NLRP9: variants seen among roughly 807,000 people sequenced by gnomAD.
NLRP9 encodes NLR family pyrin domain containing 9.
Under a neutral mutation model 83.1 loss-of-function variants are expected in NLRP9, and 88 were observed. The observed-to-expected ratio is 1.06, with a 90% CI of 0.89 to 1.26. The LOEUF is 1.26. Among genes scored for constraint, NLRP9 ranks in the 50% most tolerant of loss-of-function variants. The probability of loss-of-function intolerance (pLI) is 0.00; values close to 1 mark genes in which losing one functional copy is unlikely to be tolerated. For missense variants in NLRP9, 1,308 were observed against 1,179.3 expected (o/e 1.11, Z -1.60); for synonymous variants, 521 against 447.6 (o/e 1.16, Z -2.07).
Position 55,732,369 on chromosome 19 carries a change from A to C in NLRP9, c.1462T>G (p.Leu488Val), listed in dbSNP as rs1337873843. The change falls in exon 2 of 9, where the codon TTG becomes GTG. Residue 488 changes from leucine to valine, a missense_variant. Coordinates refer to ENST00000332836, the MANE Select transcript of NLRP9 (RefSeq NM_176820.4). Reference protein sequence around the residue: ...RASVVQPQTLLTQVGIFMFGI... With the variant: ...RASVVQPQTLVTQVGIFMFGI... ...AACATGAATATCCCCACCTGGGTCA[A>C]GAGGGTTTGAGGCTGAACCACACTT... is the stretch of plus-strand genomic sequence containing the variant. The C allele has an allele frequency of 6.2e-7, 1 of 1,614,220 alleles. No homozygotes were observed. Among genetic ancestry groups the C allele is most frequent in the Non-Finnish European group, 8.5e-7 (1 of 1,180,028 alleles).
At position 55,732,320 on chromosome 19, in the gene NLRP9, A is replaced by T; in HGVS notation, c.1511T>A (p.Val504Asp). 1.2e-6 allele frequency: 2 copies of T among 1,614,214 alleles called. No individual in the cohort carries two copies. Among genetic ancestry groups the T allele is most frequent in the Non-Finnish European group, 1.7e-6 (2 of 1,180,040 alleles). The change falls in exon 2 of 9, where the codon GTC becomes GAC. Residue 504 changes from valine (V) to aspartate (D), a missense_variant. Val to Asp is a radical substitution (Grantham distance 152, BLOSUM62 -3). Coordinates refer to ENST00000332836, the MANE Select transcript of NLRP9 (RefSeq NM_176820.4). The stretch of plus-strand genomic sequence containing the variant: ...ACCAAAGGAGGTCTCCAGCATGCTG[A>T]CGATTTCTTCTGTTGAAATTCCAAA... ...FMFGISTEEIVSMLETSFGFP... is the reference protein window; with the variant it reads ...FMFGISTEEIDSMLETSFGFP...
chr19:55,723,961 A>G lies in NLRP9; in HGVS notation c.2159+19T>C, dbSNP rs1341171828. 2 of 1,596,096 alleles carry G rather than the reference A, an allele frequency of 1.3e-6. No individual in the cohort carries two copies. The highest frequency in any genetic ancestry group is 1.8e-5 in the Admixed American group (1 of 56,104). On this transcript the variant is annotated intron_variant, in intron 4 of 8. Coordinates refer to ENST00000332836, the MANE Select transcript of NLRP9 (RefSeq NM_176820.4). ...ACCTTGGAAAGAAACAGCACTCGGC[A>G]TGAACAGCCCGGACTTACATCAGCT...
At chr19:55,719,708 G>A (rs1269600044) in intron 4 of NLRP9, among the ~76,000 whole-genome samples, 1 of 152,212 alleles carries the variant, frequency 6.6e-6, no homozygotes, top group Non-Finnish European at 1.5e-5. Context: ...GGAAATGGGA[G>A]AGAAGATGTA....
chr19:55,714,297 T>A (rs1038048817), intron 6 of NLRP9, among the ~76,000 whole-genome samples: 1 of 151,786 alleles, frequency 6.6e-6, no homozygotes, highest in Admixed American at 6.6e-5. Context: ...CTAGCTATCC[T>A]CTCATTACCT....
At chr19:55,725,561 C>A (rs533337568) in intron 3 of NLRP9, among the ~76,000 whole-genome samples, 1 of 152,258 alleles carries the variant, frequency 6.6e-6, no homozygotes, top group South Asian at 2.1e-4. Flanking sequence ...AGGAACTGTG[C>A]GGACTGCGGG....
chr19:55,729,232 CATT>C (rs1250587926), intron 3 of NLRP9, among the ~76,000 whole-genome samples: 1 of 133,486 alleles, frequency 7.5e-6, no homozygotes, highest in African/African-American at 3.7e-5. Flanking sequence ...CATGTCACTA[CATT>C]TTTTTTTTTT....
At chr19:55,731,967 G>C in intron 2 of NLRP9, 32 bp downstream of exon 2, 2 of 1,371,046 alleles carry the variant, frequency 1.5e-6, no homozygotes, top group East Asian at 2.3e-5. Flanking sequence ...CAAGTGTAGT[G>C]TGTGGGACGG....
At position 55,732,991 on chromosome 19, in the gene NLRP9, C is replaced by T. The variant is rs779434242; in HGVS notation, c.840G>A (p.Met280Ile). Residue 280 changes from methionine to isoleucine, a missense_variant, in exon 2 of 9, where the codon ATG becomes ATA. Met to Ile is a conservative substitution (Grantham distance 10, BLOSUM62 1). Coordinates refer to ENST00000332836, the MANE Select transcript of NLRP9 (RefSeq NM_176820.4). ...SLLIALGKLA[M>I]QKHYFMLRHP... The stretch of plus-strand genomic sequence containing the variant: ...GCCGCAACATAAAATAGTGTTTTTG[C>T]ATAGCCAGTTTTCCTAATGCAATAA... 2.5e-6 allele frequency: 4 copies of T among 1,614,182 alleles called. No individual in the cohort carries two copies. Among genetic ancestry groups the T allele is most frequent in the East Asian group, 4.5e-5 (2 of 44,880 alleles).
Position 55,729,925 on chromosome 19 carries a change from T to G in NLRP9, c.1900A>C (p.Ile634Leu). The G allele has an allele frequency of 6.2e-7, 1 of 1,613,716 alleles. No homozygotes were observed. The highest frequency in any genetic ancestry group is 8.5e-7 in the Non-Finnish European group (1 of 1,179,628). The change falls in exon 3 of 9, where the codon ATT (isoleucine) becomes CTT (leucine). Residue 634 changes from isoleucine (I) to leucine (L), a missense_variant. Ile to Leu is a conservative substitution (Grantham distance 5). Transcript: ENST00000332836. ...SMFITNKNFQ[I>L]LDMENTSLDD... ...AGGCTGGTATTTTCCATGTCTAAAATCTGGAAGTTCTTGTTGGTAATGAAC... is the reference window on the plus strand; with the variant it reads ...AGGCTGGTATTTTCCATGTCTAAAAGCTGGAAGTTCTTGTTGGTAATGAAC...
intron 4 of NLRP9, among the ~76,000 whole-genome samples, chr19:55,718,966 G>C (rs553781972): frequency 6.6e-6 from 1 of 152,282 alleles, no homozygotes; most frequent in East Asian, 1.9e-4. Context: ...ATTAAATTGA[G>C]AGTCAGATCC....
intron 4 of NLRP9, among the ~76,000 whole-genome samples, chr19:55,718,279 G>C (rs1192932584): frequency 6.6e-6 from 1 of 152,164 alleles, no homozygotes; most frequent in African/African-American, 2.4e-5. Context: ...CATGGGAAAG[G>C]AAAGACTTTA....
intron 2 of NLRP9, among the ~76,000 whole-genome samples, chr19:55,731,754 G>C (rs1314734133): frequency 6.8e-6 from 1 of 147,888 alleles, no homozygotes; most frequent in African/African-American, 2.5e-5. Context: ...CCTGCTAGCC[G>C]CCTCTTAATC....
chr19:55,736,851 AC>A (rs947185072), intron 1 of NLRP9, among the ~76,000 whole-genome samples: 21 of 113,618 alleles, frequency 1.8e-4, no homozygotes, highest in African/African-American at 8.8e-4. Flanking sequence ...TAAAACAAAA[AC>A]AAAAAAAAAA....
Position 55,709,053 on chromosome 19 carries a change from A to G in NLRP9, c.2844-9T>C. The G allele has an allele frequency of 6.4e-7, 1 of 1,554,862 alleles. No individual in the cohort carries two copies. ...AGCCAGATTTGTGCAGCCTGGGAAA[A>G]TAGAAATAAAGTTTTTTTTTTTGTT... On this transcript the variant is annotated splice_polypyrimidine_tract_variant and intron_variant, in intron 8 of 8. Transcript: ENST00000332836.
In NLRP9 at chr19:55,708,569, T is replaced by A. The variant is rs1987541704; in HGVS notation, c.*343A>T. ...ACTTCTGTGTCAGAAGTATCCGGAT[T>A]GTGGTGCCTACAAATGCATGCTCCT... On this transcript the variant is annotated 3_prime_UTR_variant, in exon 9 of 9. Transcript: ENST00000332836. 5.7e-6 allele frequency: 1 copy of A among 175,006 alleles called. No individual in the cohort carries two copies. Among genetic ancestry groups the A allele is most frequent in the Admixed American group, 6.3e-5 (1 of 15,932 alleles). 10.8% of individuals were successfully genotyped at this position (175,006 alleles called of 1,614,324 possible).
chr19:55,717,031 T>TTA, intron 4 of NLRP9, 133 bp from the exon 5 acceptor site: 1 of 600,222 alleles, frequency 1.7e-6, no homozygotes, highest in Non-Finnish European at 2.8e-6. Flanking sequence ...CAGACTCTTT[T>TTA]TCTTTTTTTT....
At chr19:55,714,298 C>G (rs1350785996) in intron 6 of NLRP9, among the ~76,000 whole-genome samples, 2 of 151,830 alleles carry the variant, frequency 1.3e-5, no homozygotes, top group African/African-American at 4.8e-5. Context: ...TAGCTATCCT[C>G]TCATTACCTG....
Position 55,709,064 on chromosome 19 carries a change from G to GTTTT in NLRP9, c.2844-24_2844-21dup. The GTTTT allele has an allele frequency of 7.9e-7, 1 of 1,260,564 alleles. No individual in the cohort carries two copies. Among genetic ancestry groups the GTTTT allele is most frequent in the Non-Finnish European group, 1.1e-6 (1 of 935,642 alleles). 78.1% of individuals were successfully genotyped at this position (1,260,564 alleles called of 1,614,324 possible). ...TGCAGCCTGGGAAAATAGAAATAAA[G>GTTTT]TTTTTTTTTTTGTTTTTCATTTTTA... On this transcript the variant is annotated intron_variant, in intron 8 of 8. Transcript: ENST00000332836.
intron 8 of NLRP9, chr19:55,711,401 C>A: frequency 1.6e-6 from 2 of 1,265,998 alleles, no homozygotes; most frequent in South Asian, 1.3e-5. Context: ...GAATGTATTT[C>A]TGAATCAAGA....
Sources: allele counts gnomAD v4.1 joint callset (sites outside exome capture counted in the v4.1 genomes callset), GRCh38; gene constraint gnomAD v4.1.1; transcripts MANE v1.5; gene names NCBI Gene and HGNC (gene_info 2026-07-23, HGNC 2026-07-21).